The following CHRM3 variants were observed in gnomAD, a reference collection of about 807,000 sequenced individuals.
The protein encoded by CHRM3 is cholinergic receptor muscarinic 3.
Under a neutral mutation model 41.8 loss-of-function variants are expected in CHRM3, and 11 were observed. That is an observed-to-expected ratio of 0.26 (90% CI 0.17 to 0.44). The LOEUF (loss-of-function observed/expected upper bound fraction) is 0.44. Among genes scored for constraint, CHRM3 ranks in the 20% least tolerant of loss-of-function variants. The pLI is 1.00. For missense variants in CHRM3, 571 were observed against 745.4 expected (o/e 0.77, Z 2.72); for synonymous variants, 297 against 301.4 (o/e 0.99, Z 0.15).
intron 5 of CHRM3, among the ~76,000 whole-genome samples, chr1:239,817,913 T>G (rs1291362504): frequency 6.6e-6 from 1 of 152,184 alleles, no homozygotes; most frequent in Non-Finnish European, 1.5e-5. Flanking sequence ...CTGAGCCTGT[T>G]TCTACATCTA....
rs144275168 is a variant in CHRM3, at chr1:239,422,905, G to A, written c.-521+35678G>A. ...CCATTAACACATGAGAGCAATGGTC[G>A]GATAGAACAAGTCACTGGGGAGATA... On this transcript the variant is annotated intron_variant, in intron 1 of 6. Transcript: ENST00000676153. Among the ~76,000 whole-genome samples the A allele has an allele frequency of 2.0e-3, 307 of 152,268 alleles. 2 individuals are homozygous for A. The highest frequency in any genetic ancestry group is 3.8e-3 in the Non-Finnish European group (257 of 68,016).
intron 3 of CHRM3, among the ~76,000 whole-genome samples, chr1:239,576,906 C>T (rs529381771): frequency 1.3e-5 from 2 of 152,218 alleles, no homozygotes; most frequent in Admixed American, 6.5e-5. Flanking sequence ...CCTGCAAGCA[C>T]GACCCTTCCC....
At chr1:239,555,967 AAATC>A (rs1315133623) in intron 3 of CHRM3, among the ~76,000 whole-genome samples, 2 of 152,308 alleles carry the variant, frequency 1.3e-5, no homozygotes, top group East Asian at 1.9e-4. Flanking sequence ...ACTAGAAAGT[AAATC>A]AATCATTTTT....
At chr1:239,659,616 C>T (rs1673014167) in intron 4 of CHRM3, among the ~76,000 whole-genome samples, 2 of 152,198 alleles carry the variant, frequency 1.3e-5, no homozygotes, top group South Asian at 4.1e-4. Context: ...AATTCTTTGT[C>T]TTTAATTTAA....
intron 3 of CHRM3, among the ~76,000 whole-genome samples, chr1:239,602,508 AT>A (rs968770360): frequency 3.3e-5 from 5 of 152,196 alleles, no homozygotes; most frequent in African/African-American, 1.2e-4. Flanking sequence ...AGCATTTTAA[AT>A]AACAAACAGA....
chr1:239,453,638 G>C (rs574769262), intron 1 of CHRM3, among the ~76,000 whole-genome samples: 2 of 152,110 alleles, frequency 1.3e-5, no homozygotes, highest in Non-Finnish European at 2.9e-5. Context: ...GATGCACGTA[G>C]GTATATATTA....
chr1:239,670,939 A>G (rs1159434815), intron 4 of CHRM3, among the ~76,000 whole-genome samples: 14 of 152,172 alleles, frequency 9.2e-5, no homozygotes, highest in Non-Finnish European at 2.1e-4. Flanking sequence ...AGCAGTATAT[A>G]TTAAATATGT....
intron 5 of CHRM3, among the ~76,000 whole-genome samples, chr1:239,771,453 T>A (rs1234264301): frequency 6.6e-6 from 1 of 152,138 alleles, no homozygotes; most frequent in Non-Finnish European, 1.5e-5. Context: ...ATACAGCACC[T>A]CCACTTCTAG....
chr1:239,462,850 C>T (rs1397197356), intron 1 of CHRM3, among the ~76,000 whole-genome samples: 4 of 152,192 alleles, frequency 2.6e-5, no homozygotes, highest in Non-Finnish European at 5.9e-5. Flanking sequence ...TACACTTACA[C>T]TGTTAGTGCA....
At chr1:239,515,912 A>T (rs1669234408) in intron 2 of CHRM3, among the ~76,000 whole-genome samples, 3 of 152,238 alleles carry the variant, frequency 2.0e-5, no homozygotes, top group African/African-American at 7.2e-5. Context: ...AGCATGAGCT[A>T]TGAAATTAAG....
intron 3 of CHRM3, among the ~76,000 whole-genome samples, chr1:239,612,675 G>A (rs1413108793): frequency 1.3e-5 from 2 of 152,150 alleles, no homozygotes; most frequent in Non-Finnish European, 2.9e-5. Context: ...CCCATTCCCT[G>A]CAGACATGCA....
chr1:239,436,951 G>T (rs1398050733), intron 1 of CHRM3, among the ~76,000 whole-genome samples: 1 of 151,862 alleles, frequency 6.6e-6, no homozygotes, highest in Non-Finnish European at 1.5e-5. Flanking sequence ...TCTCTCGTGG[G>T]ATTACTAACT....
At chr1:239,857,983 T>A (rs1050744826) in intron 6 of CHRM3, among the ~76,000 whole-genome samples, 2 of 152,164 alleles carry the variant, frequency 1.3e-5, no homozygotes, top group Non-Finnish European at 2.9e-5. Flanking sequence ...ACATATATTA[T>A]TGATATATAT....
chr1:239,583,425 T>C (rs939422964), intron 3 of CHRM3, among the ~76,000 whole-genome samples: 21 of 152,218 alleles, frequency 1.4e-4, no homozygotes, highest in African/African-American at 4.1e-4. Flanking sequence ...TGCCTGGCAA[T>C]GTGCTAGACG....
At chr1:239,517,553 G>A (rs771787482) in intron 2 of CHRM3, among the ~76,000 whole-genome samples, 2 of 152,158 alleles carry the variant, frequency 1.3e-5, no homozygotes, top group East Asian at 1.9e-4. Flanking sequence ...CCGGAATTTA[G>A]TGAAGCATAT....
chr1:239,556,774 AG>A (rs111655936), intron 3 of CHRM3, among the ~76,000 whole-genome samples: 4,666 of 152,236 alleles, frequency 0.031, 258 homozygotes, highest in African/African-American at 0.11. Context: ...TATGACAAAA[AG>A]AAACCACTAT....
intron 5 of CHRM3, among the ~76,000 whole-genome samples, chr1:239,824,119 A>G (rs1366887909): frequency 6.6e-6 from 1 of 151,546 alleles, no homozygotes; most frequent in African/African-American, 2.4e-5. Flanking sequence ...GCCGCATTTC[A>G]CTCCAGCTCC....
intron 2 of CHRM3, among the ~76,000 whole-genome samples, chr1:239,514,455 A>T (rs12136673): frequency 0.15 from 23,131 of 151,862 alleles, 2,290 homozygotes; most frequent in Non-Finnish European, 0.2. Flanking sequence ...TAGGTAAGCA[A>T]CTGACTTTTA....
At chr1:239,556,839 A>G (rs1332726424) in intron 3 of CHRM3, among the ~76,000 whole-genome samples, 3 of 152,176 alleles carry the variant, frequency 2.0e-5, no homozygotes. Flanking sequence ...AACTCTCCCT[A>G]GGAGAGTCAC....
Sources: allele counts gnomAD v4.1 joint callset (sites outside exome capture counted in the v4.1 genomes callset), GRCh38; gene constraint gnomAD v4.1.1; transcripts MANE v1.5; gene names NCBI Gene and HGNC (gene_info 2026-07-23, HGNC 2026-07-21).